Variants in ATP11C observed in about 807,000 individuals in gnomAD.
ATP11C encodes phospholipid-transporting ATPase IG.
ATP11C carries 36 observed loss-of-function variants against 97.4 expected under a neutral mutation model. The ratio of observed to expected loss-of-function variants is 0.37; its 90% CI spans 0.28 to 0.49. ATP11C has a LOEUF of 0.49. Ranked by LOEUF, ATP11C falls within the 20% of genes least tolerant of loss-of-function variation. The pLI is 0.98. For synonymous variants in ATP11C, 275 were observed against 290.9 expected (o/e 0.95, Z 0.56); for missense variants, 730 against 824.6 (o/e 0.89, Z 1.40).
chrX:139,903,347 T>G (rs533507348), intron 1 of ATP11C, among the ~76,000 whole-genome samples: 2 of 110,234 alleles, frequency 1.8e-5, no homozygotes, highest in African/African-American at 6.6e-5. Context: ...TCCTTTCTTA[T>G]TGTAGGTCTT....
intron 1 of ATP11C, among the ~76,000 whole-genome samples, chrX:139,902,359 A>G (rs1227921262): frequency 2.7e-5 from 3 of 111,032 alleles, no homozygotes; most frequent in Non-Finnish European, 1.9e-5. Context: ...TGGCAAAATA[A>G]ACTTCCTAAA....
Position 139,930,468 on chromosome X carries a change from T to G in ATP11C, c.27+1548A>C, listed in dbSNP as rs182021389. Among the ~76,000 whole-genome samples, 13 of 111,660 alleles carry G rather than the reference T, an allele frequency of 1.2e-4. No individual in the cohort carries two copies. The East Asian group carries it at 3.4e-3, about 29-fold the overall frequency. On this transcript the variant is annotated intron_variant, in intron 1 of 29. Transcript: ENST00000682941. ...AGAGTGCCACGTGAAAAGATTATCC[T>G]TTTCCTAAATACAATTAGCTTTCAT... is the stretch of plus-strand genomic sequence containing the variant.
chrX:139,935,555 G>A (rs749682103), upstream of ATP11C, among the ~76,000 whole-genome samples: 100 of 110,461 alleles, frequency 9.1e-4, no homozygotes, highest in Non-Finnish European at 1.3e-3. Flanking sequence ...TGGGTGACAA[G>A]AGCAAAACTC....
chrX:139,884,373 G>C (rs915446764), intron 1 of ATP11C, among the ~76,000 whole-genome samples: 1 of 112,262 alleles, frequency 8.9e-6, no homozygotes, highest in African/African-American at 3.2e-5. Flanking sequence ...CATGGGCTAA[G>C]GGACTAAAGT....
At chrX:139,839,599 T>TACA (rs2083798122) in intron 1 of ATP11C, among the ~76,000 whole-genome samples, 1 of 111,212 alleles carries the variant, frequency 9.0e-6, no homozygotes, top group Admixed American at 9.6e-5. Context: ...CAAATGCTCA[T>TACA]ACAACTCAGC....
chrX:139,746,266 C>T (rs2081684489), intron 24 of ATP11C, among the ~76,000 whole-genome samples: 2 of 111,847 alleles, frequency 1.8e-5, no homozygotes, highest in African/African-American at 3.3e-5. Context: ...CACAATGGTA[C>T]CCAAACTTTG....
chrX:139,787,067 G>A (rs1274233115), intron 15 of ATP11C, 106 bp downstream of exon 15: 24 of 1,074,734 alleles, frequency 2.2e-5, no homozygotes, highest in Non-Finnish European at 2.8e-5. Context: ...GGAGAGCAGG[G>A]TCCTGTATTT....
chrX:139,918,623 G>A (rs1224868020), intron 1 of ATP11C, among the ~76,000 whole-genome samples: 1 of 96,058 alleles, frequency 1.0e-5, no homozygotes, highest in Non-Finnish European at 2.0e-5. Flanking sequence ...GGGTGACAAA[G>A]CGAAACCACT....
upstream of ATP11C, among the ~76,000 whole-genome samples, chrX:139,935,512 A>C (rs937524109): frequency 5.4e-5 from 6 of 111,579 alleles, no homozygotes; most frequent in African/African-American, 3.3e-5. Context: ...TGTAGGTTGC[A>C]GTGAGCCGAG....
At chrX:139,819,232 A>G in intron 3 of ATP11C, 106 bp downstream of exon 3, 1 of 320,043 alleles carries the variant, frequency 3.1e-6, no homozygotes, top group African/African-American at 2.6e-5. Context: ...AAGCTCTGGA[A>G]TGTCTTTTTT....
rs543197128 is a variant in ATP11C, at chrX:139,883,598, T to C, written c.27+48418A>G. Among the ~76,000 whole-genome samples, 12 of 111,493 alleles carry C rather than the reference T, an allele frequency of 1.1e-4. No individual in the cohort carries two copies. In the East Asian group the frequency reaches 2.8e-3, roughly 26 times the overall value. On this transcript the variant is annotated intron_variant, in intron 1 of 29. Coordinates refer to ENST00000682941, the MANE Select transcript of ATP11C (RefSeq NM_001353812.2). ...AAAAATCAGAATTGGCTTCTGAATATGGACTCACTGTCCAATGATGATCTT... is the reference window on the plus strand; with the variant it reads ...AAAAATCAGAATTGGCTTCTGAATACGGACTCACTGTCCAATGATGATCTT...
At chrX:139,825,143 C>T (rs1042904950) in intron 2 of ATP11C, among the ~76,000 whole-genome samples, 1 of 110,978 alleles carries the variant, frequency 9.0e-6, no homozygotes, top group Non-Finnish European at 1.9e-5. Flanking sequence ...ATAACAATAG[C>T]AGCTACCGTT....
rs746499948 is a variant in ATP11C at position 139,888,231 on chromosome X, T to C, written c.27+43785A>G. Among the ~76,000 whole-genome samples the C allele has an allele frequency of 2.8e-3, 303 of 107,892 alleles. 2 individuals are homozygous for C. The highest frequency in any genetic ancestry group is 8.6e-3 in the African/African-American group (256 of 29,652). The allele number at this position is 107,892 out of a possible 115,157, so 93.7% of individuals were successfully genotyped here. A position where few individuals can be genotyped will look rare whatever the true frequency, so the allele number is the denominator to read the frequency against. ...TCATTGCAACCTCTGCCTCCCGGGT[T>C]CAGGTGATTCTCCTGCCTCAGCCTC... On this transcript the variant is annotated intron_variant, in intron 1 of 29. Coordinates refer to ENST00000682941, the MANE Select transcript of ATP11C (RefSeq NM_001353812.2).
intron 1 of ATP11C, among the ~76,000 whole-genome samples, chrX:139,874,699 G>C (rs1214848141): frequency 9.4e-6 from 1 of 106,061 alleles, no homozygotes; most frequent in Non-Finnish European, 1.9e-5. Flanking sequence ...TCAAAATGCA[G>C]AGCTCTGTGT....
intron 28 of ATP11C, among the ~76,000 whole-genome samples, chrX:139,733,503 T>C (rs2081387426): frequency 8.9e-6 from 1 of 112,484 alleles, no homozygotes; most frequent in Non-Finnish European, 1.9e-5. Flanking sequence ...AGGTAAATAA[T>C]TTATTCATGT....
intron 1 of ATP11C, among the ~76,000 whole-genome samples, chrX:139,866,217 G>A (rs72617905): frequency 0.057 from 6,145 of 107,596 alleles, 297 homozygotes; most frequent in East Asian, 0.29. Flanking sequence ...GGTGATGCGC[G>A]CCTGTAATCC....
chrX:139,735,754 C>T (rs1038936679), intron 28 of ATP11C, among the ~76,000 whole-genome samples: 1 of 109,569 alleles, frequency 9.1e-6, no homozygotes, highest in Non-Finnish European at 1.9e-5. Context: ...CACTACTTTG[C>T]TCTTGCATTT....
chrX:139,893,926 C>T, intron 1 of ATP11C, among the ~76,000 whole-genome samples: 1 of 109,585 alleles, frequency 9.1e-6, no homozygotes. Flanking sequence ...TAACTCTTTC[C>T]AATGAGCTCA....
intron 4 of ATP11C, 63 bp downstream of exon 4, chrX:139,816,800 T>C: frequency 1.3e-6 from 1 of 765,944 alleles, no homozygotes; most frequent in Non-Finnish European, 2.0e-6. Context: ...AAAGAGCCTT[T>C]GACAATGAAA....
Sources: gnomAD v4.1 joint callset for allele counts (sites outside exome capture counted in the v4.1 genomes callset) on GRCh38, gnomAD v4.1.1 for gene constraint, MANE v1.5 for transcripts, NCBI Gene and HGNC (gene_info 2026-07-23, HGNC 2026-07-21) for gene names.